Variants in DLGAP2 observed in about 807,000 individuals in gnomAD.
DLGAP2 encodes DLG associated protein 2.
A neutral mutation model predicts 100.3 loss-of-function variants in DLGAP2; 26 were observed. The ratio of observed to expected loss-of-function variants is 0.26; its 90% CI spans 0.19 to 0.36. The LOEUF is 0.36. Among genes scored for constraint, DLGAP2 ranks in the 10% least tolerant of loss-of-function variants. DLGAP2 has a pLI of 1.00. For synonymous variants in DLGAP2, 886 were observed against 630.1 expected (o/e 1.41, Z -6.08); for missense variants, 1,858 against 1,453.2 (o/e 1.28, Z -4.53).
Position 1,655,048 on chromosome 8 carries a change from T to C in DLGAP2, c.1811-13281T>C, listed in dbSNP as rs564337503. On this transcript the variant is annotated intron_variant, in intron 8 of 14. Coordinates refer to ENST00000637795, the MANE Select transcript of DLGAP2 (RefSeq NM_001346810.2). ...ATCACTTCATTTTACTGTCTACATG[T>C]TAAATGCTGGTGAGACTATAATTTC... Among the ~76,000 whole-genome samples the C allele has an allele frequency of 1.9e-4, 29 of 152,368 alleles. No individual in the cohort carries two copies. The East Asian group carries it at 5.2e-3, about 27-fold the overall frequency.
chr8:1,502,636 G>C (rs1799763166), intron 4 of DLGAP2, among the ~76,000 whole-genome samples: 1 of 152,148 alleles, frequency 6.6e-6, no homozygotes, highest in Non-Finnish European at 1.5e-5. Flanking sequence ...GAATAATTAT[G>C]CATCTGTTTT....
At chr8:1,370,612 G>A (rs1333389862) in intron 3 of DLGAP2, among the ~76,000 whole-genome samples, 1 of 152,222 alleles carries the variant, frequency 6.6e-6, no homozygotes, top group Non-Finnish European at 1.5e-5. Flanking sequence ...CCCTCTGGTT[G>A]CTACAGGGAG....
intron 8 of DLGAP2, among the ~76,000 whole-genome samples, chr8:1,661,236 A>G (rs569259379): frequency 2.6e-5 from 4 of 152,288 alleles, no homozygotes; most frequent in Admixed American, 1.3e-4. Context: ...GCTTCTCCTC[A>G]TCCCGCTGAG....
At chr8:1,481,674 C>T (rs988802253) in intron 3 of DLGAP2, among the ~76,000 whole-genome samples, 6 of 151,912 alleles carry the variant, frequency 3.9e-5, no homozygotes, top group Admixed American at 3.9e-4. Flanking sequence ...GACGGGGTTT[C>T]ACCTTGTTGG....
chr8:1,041,142 A>G (rs901747014), intron 2 of DLGAP2, among the ~76,000 whole-genome samples: 1 of 152,190 alleles, frequency 6.6e-6, no homozygotes, highest in Non-Finnish European at 1.5e-5. Flanking sequence ...ATTTTAAATA[A>G]CAGTTAAATA....
At chr8:1,007,978 A>T (rs540005978) in intron 2 of DLGAP2, among the ~76,000 whole-genome samples, 2 of 152,236 alleles carry the variant, frequency 1.3e-5, no homozygotes, top group East Asian at 3.9e-4. Context: ...AAAGAAGGGG[A>T]TGTGTTCTTT....
At chr8:1,215,945 T>A (rs1798203845) in intron 2 of DLGAP2, among the ~76,000 whole-genome samples, 1 of 150,472 alleles carries the variant, frequency 6.6e-6, no homozygotes, top group East Asian at 2.0e-4. Flanking sequence ...TGGGTTCATT[T>A]GGGTGCATCA....
At chr8:766,894 C>G (rs11784243) in intron 1 of DLGAP2, among the ~76,000 whole-genome samples, 23,208 of 152,138 alleles carry the variant, frequency 0.15, 2,185 homozygotes, top group South Asian at 0.25. Flanking sequence ...GCGGCCTAGA[C>G]TTGTAACATG....
chr8:1,525,167 G>A (rs1026766601), intron 4 of DLGAP2, among the ~76,000 whole-genome samples: 54 of 148,438 alleles, frequency 3.6e-4, no homozygotes, highest in Middle Eastern at 3.2e-3. Flanking sequence ...GCAATTCACC[G>A]GTGTGTCTCT....
At chr8:1,102,642 G>A (rs1804622616) in intron 2 of DLGAP2, among the ~76,000 whole-genome samples, 1 of 152,184 alleles carries the variant, frequency 6.6e-6, no homozygotes, top group South Asian at 2.1e-4. Flanking sequence ...CACTGGGCCT[G>A]TCATGTGGGC....
At chr8:1,449,508 G>A (rs1220455115) in intron 3 of DLGAP2, among the ~76,000 whole-genome samples, 1 of 152,164 alleles carries the variant, frequency 6.6e-6, no homozygotes, top group Non-Finnish European at 1.5e-5. Context: ...GATGTCAGAG[G>A]CTCTCACAGC....
intron 2 of DLGAP2, among the ~76,000 whole-genome samples, chr8:1,162,230 C>T (rs539032663): frequency 1.9e-4 from 29 of 152,296 alleles, no homozygotes; most frequent in Admixed American, 1.6e-3. Context: ...TGGAGAGTGT[C>T]GTTATTCATT....
At chr8:958,978 A>G (rs1799659976) in intron 2 of DLGAP2, among the ~76,000 whole-genome samples, 1 of 152,218 alleles carries the variant, frequency 6.6e-6, no homozygotes, top group African/African-American at 2.4e-5. Flanking sequence ...TTGATGCTGA[A>G]GATTATGCAG....
At chr8:1,222,966 G>A (rs1444926836) in intron 2 of DLGAP2, among the ~76,000 whole-genome samples, 1 of 152,100 alleles carries the variant, frequency 6.6e-6, no homozygotes, top group Non-Finnish European at 1.5e-5. Flanking sequence ...CAAGCCTTGG[G>A]GGACGGGTGC....
chr8:1,330,633 G>T (rs1801132540), intron 3 of DLGAP2, among the ~76,000 whole-genome samples: 1 of 146,892 alleles, frequency 6.8e-6, no homozygotes, highest in Non-Finnish European at 1.5e-5. Context: ...GCTTCACGGG[G>T]ACCGAGTTCT....
chr8:1,576,243 T>C (rs777416363), intron 6 of DLGAP2, among the ~76,000 whole-genome samples: 28 of 152,248 alleles, frequency 1.8e-4, no homozygotes, highest in Non-Finnish European at 3.2e-4. Context: ...TTTTCATGTG[T>C]CTGTTGGCTG....
rs921325687 is a variant in DLGAP2 at position 869,828 on chromosome 8, C to G, written c.19-38084C>G. ...CGAGTGGGCGGGCCTGATGGGCACC[C>G]CGGCAGCGGGACACGTTCTGAACAG... is the stretch of plus-strand genomic sequence containing the variant. On this transcript the variant is annotated intron_variant, in intron 1 of 14. Coordinates refer to ENST00000637795, the MANE Select transcript of DLGAP2 (RefSeq NM_001346810.2). 7.2e-5 allele frequency among the ~76,000 whole-genome samples: 11 copies of G among 152,162 alleles called. No individual in the cohort carries two copies. In the South Asian group the frequency reaches 2.3e-3, roughly 32 times the overall value.
intron 2 of DLGAP2, among the ~76,000 whole-genome samples, chr8:1,172,227 C>T (rs186945811): frequency 0.071 from 10,738 of 152,080 alleles, 1,086 homozygotes; most frequent in African/African-American, 0.23. Context: ...TCTCTTCTGG[C>T]TTGTAGAGTT....
At chr8:1,049,841 C>T (rs1563164762) in intron 2 of DLGAP2, among the ~76,000 whole-genome samples, 2 of 151,658 alleles carry the variant, frequency 1.3e-5, no homozygotes, top group African/African-American at 4.8e-5. Flanking sequence ...TAGGCAGTCA[C>T]ATGTGTGGAT....
Sources: gnomAD v4.1 joint callset for allele counts (sites outside exome capture counted in the v4.1 genomes callset) on GRCh38, gnomAD v4.1.1 for gene constraint, MANE v1.5 for transcripts, NCBI Gene and HGNC (gene_info 2026-07-23, HGNC 2026-07-21) for gene names.